PRKG1: variants seen among roughly 807,000 people sequenced by gnomAD.
PRKG1 encodes protein kinase cGMP-dependent 1.
PRKG1 carries 35 observed loss-of-function variants against 88.1 expected under a neutral mutation model. The ratio of observed to expected loss-of-function variants is 0.40; its 90% CI spans 0.30 to 0.53. PRKG1 has a LOEUF of 0.53. Among genes scored for constraint, PRKG1 ranks in the 20% least tolerant of loss-of-function variants. The pLI is 0.59. For missense variants in PRKG1, 540 were observed against 839.8 expected, an observed-to-expected ratio of 0.64 and a Z score of 4.41; for synonymous variants, 303 against 292.5, an observed-to-expected ratio of 1.04 and a Z score of -0.37.
At chr10:51,615,082 T>C (rs1156741471) in intron 3 of PRKG1, among the ~76,000 whole-genome samples, 2 of 132,802 alleles carry the variant, frequency 1.5e-5, no homozygotes, top group African/African-American at 5.7e-5. Context: ...TATTCAACTT[T>C]GAATATATCC....
rs77039962 is a variant in PRKG1, at chr10:51,399,966, C to T, written c.479-67757C>T. Among the ~76,000 whole-genome samples, 1,154 of 152,214 alleles carry T rather than the reference C, an allele frequency of 7.6e-3. 6 individuals carry two copies. Among genetic ancestry groups the T allele is most frequent in the Non-Finnish European group, 0.011 (747 of 68,010 alleles). On this transcript the variant is annotated intron_variant, in intron 2 of 17. Transcript: ENST00000373980. ...GTAGGAGTTCTGGCTGCATGGCTTC[C>T]GTTCATTCTCCCCATTTCTCAAATC...
chr10:51,810,561 C>G (rs893624855), intron 4 of PRKG1, among the ~76,000 whole-genome samples: 1 of 152,158 alleles, frequency 6.6e-6, no homozygotes, highest in Non-Finnish European at 1.5e-5. Context: ...TATTCTTTAT[C>G]TCCATTACTA....
chr10:51,401,723 A>C (rs1837744274), intron 2 of PRKG1, among the ~76,000 whole-genome samples: 1 of 152,254 alleles, frequency 6.6e-6, no homozygotes, highest in Non-Finnish European at 1.5e-5. Flanking sequence ...TCTTTTGTCA[A>C]ATATCTCCTT....
chr10:51,615,682 T>C (rs1464512028), intron 3 of PRKG1, among the ~76,000 whole-genome samples: 2 of 151,642 alleles, frequency 1.3e-5, no homozygotes, highest in Non-Finnish European at 2.9e-5. Flanking sequence ...ATGATGCTTG[T>C]CTCTTTGACA....
chr10:51,540,188 A>G (rs1842265654), intron 3 of PRKG1, among the ~76,000 whole-genome samples: 1 of 152,202 alleles, frequency 6.6e-6, no homozygotes, highest in Non-Finnish European at 1.5e-5. Flanking sequence ...GTAAGCTATA[A>G]TCATGTTACA....
chr10:51,604,460 C>G (rs1838702372), intron 3 of PRKG1, among the ~76,000 whole-genome samples: 1 of 152,148 alleles, frequency 6.6e-6, no homozygotes, highest in Admixed American at 6.6e-5. Context: ...TTTCTTCCCC[C>G]ATTAGATCAT....
chr10:51,034,303 T>C (rs769609017), intron 1 of PRKG1, among the ~76,000 whole-genome samples: 11 of 151,986 alleles, frequency 7.2e-5, no homozygotes, highest in African/African-American at 4.8e-5. Flanking sequence ...TGGAAGTGAG[T>C]TGATATCTTT....
intron 2 of PRKG1, among the ~76,000 whole-genome samples, chr10:51,444,223 T>C (rs1839205104): frequency 6.6e-6 from 1 of 151,354 alleles, no homozygotes; most frequent in South Asian, 2.1e-4. Flanking sequence ...TGGGAAACAG[T>C]GAGGGCATTT....
chr10:51,229,073 G>T (rs1264463878), intron 2 of PRKG1, among the ~76,000 whole-genome samples: 2 of 152,062 alleles, frequency 1.3e-5, no homozygotes, highest in Non-Finnish European at 2.9e-5. Flanking sequence ...TCCTAACCTT[G>T]TCTGTGTCAA....
chr10:51,315,531 G>T (rs1841296079), intron 2 of PRKG1, among the ~76,000 whole-genome samples: 1 of 152,252 alleles, frequency 6.6e-6, no homozygotes, highest in East Asian at 1.9e-4. Flanking sequence ...GGTAAGAGGG[G>T]CCATTTATTG....
chr10:51,970,738 T>G (rs2927516), intron 5 of PRKG1, among the ~76,000 whole-genome samples: 96,817 of 133,804 alleles, frequency 0.72, 34,062 homozygotes, highest in Non-Finnish European at 0.76. Context: ...TATATCAGAT[T>G]ATATATATAT....
chr10:51,671,913 T>C (rs1188549072), intron 3 of PRKG1, among the ~76,000 whole-genome samples: 1 of 152,142 alleles, frequency 6.6e-6, no homozygotes, highest in East Asian at 1.9e-4. Context: ...CAGTATGACC[T>C]TTTCTTGATT....
intron 4 of PRKG1, among the ~76,000 whole-genome samples, chr10:51,843,138 C>T (rs1840321470): frequency 7.6e-6 from 1 of 132,268 alleles, no homozygotes; most frequent in Admixed American, 7.9e-5. Context: ...TTCTGTTTCA[C>T]CAGGGTGGAG....
At position 51,838,860 on chromosome 10, in the gene PRKG1, G is replaced by A; in HGVS notation, c.698+34170G>A. Among the ~76,000 whole-genome samples the A allele has an allele frequency of 3.3e-5, 5 of 152,246 alleles. No individual in the cohort carries two copies. In the South Asian group the frequency reaches 1.0e-3, roughly 32 times the overall value. Reference sequence around the variant, plus strand: ...AGTTCGTTCTGAGGCAAATAAATTTGTTAAGTGCTGAGATAGACCAATTTT... The same window carrying A: ...AGTTCGTTCTGAGGCAAATAAATTTATTAAGTGCTGAGATAGACCAATTTT... On this transcript the variant is annotated intron_variant, in intron 4 of 17. Coordinates refer to ENST00000373980, the MANE Select transcript of PRKG1 (RefSeq NM_006258.4).
At chr10:52,212,383 A>G (rs1840001519) in intron 9 of PRKG1, among the ~76,000 whole-genome samples, 1 of 152,158 alleles carries the variant, frequency 6.6e-6, no homozygotes, top group Non-Finnish European at 1.5e-5. Context: ...ATAGGAAAGG[A>G]GGCAGCTTTA....
At chr10:51,598,957 A>G (rs1455382822) in intron 3 of PRKG1, among the ~76,000 whole-genome samples, 1 of 152,192 alleles carries the variant, frequency 6.6e-6, no homozygotes, top group Non-Finnish European at 1.5e-5. Flanking sequence ...TGAAACAGGA[A>G]GAGGAAGAGG....
intron 3 of PRKG1, among the ~76,000 whole-genome samples, chr10:51,655,920 C>T (rs1922131): frequency 0.85 from 128,729 of 152,068 alleles, 55,779 homozygotes; most frequent in Middle Eastern, 0.95. Context: ...TAATTCTACC[C>T]GTAATTCTGT....
Position 51,612,443 on chromosome 10 carries a change from T to C in PRKG1, c.592+144607T>C, listed in dbSNP as rs377334092. On this transcript the variant is annotated intron_variant, in intron 3 of 17. Transcript: ENST00000373980. ...TCTTTTTCAGTGATTTCATTATTGT[T>C]GTATAGAAATGCTACTGACTTTTGT... 2.1e-4 allele frequency among the ~76,000 whole-genome samples: 32 copies of C among 152,186 alleles called. No individual in the cohort carries two copies. The South Asian group carries it at 6.6e-3, about 32-fold the overall frequency.
At chr10:52,193,344 A>C (rs189261353) in intron 9 of PRKG1, among the ~76,000 whole-genome samples, 141 of 152,038 alleles carry the variant, frequency 9.3e-4, no homozygotes, top group Non-Finnish European at 1.4e-3. Context: ...CAGGAGTTTG[A>C]GACCAGCCTG....
Sources: allele counts gnomAD v4.1 joint callset (sites outside exome capture counted in the v4.1 genomes callset), GRCh38; gene constraint gnomAD v4.1.1; transcripts MANE v1.5; gene names NCBI Gene and HGNC (gene_info 2026-07-23, HGNC 2026-07-21).